CTNNA2: variants seen among roughly 807,000 people sequenced by gnomAD.
CTNNA2 encodes catenin alpha 2.
In CTNNA2, 42 loss-of-function variants were observed where a neutral mutation model predicts 101.0. The observed-to-expected ratio is 0.42, with a 90% confidence interval of 0.32 to 0.54. The LOEUF (loss-of-function observed/expected upper bound fraction) is 0.54. Among genes scored for constraint, CTNNA2 ranks in the 20% least tolerant of loss-of-function variants. CTNNA2 has a pLI of 0.14. For missense variants in CTNNA2, 871 were observed against 1,223.1 expected, an observed-to-expected ratio of 0.71 and a Z score of 4.29; for synonymous variants, 450 against 456.4, an observed-to-expected ratio of 0.99 and a Z score of 0.18.
intron 7 of CTNNA2, among the ~76,000 whole-genome samples, chr2:80,211,248 T>C (rs1707871065): frequency 6.6e-6 from 1 of 152,214 alleles, no homozygotes; most frequent in African/African-American, 2.4e-5. Context: ...ACTTTGGCTT[T>C]TGTTGCCATT....
In CTNNA2 at chr2:79,487,537, T is replaced by C. The variant is rs188624429; in HGVS notation, c.-134-17517T>C. 1.2e-4 allele frequency among the ~76,000 whole-genome samples: 18 copies of C among 152,272 alleles called. No individual in the cohort carries two copies. The East Asian group carries it at 3.1e-3, about 26-fold the overall frequency. ...GGAGAGCTCCATCTGAGAACCCAGA[T>C]AGCACGCTGGGAGTTGCCTACATAA... is the stretch of plus-strand genomic sequence containing the variant. On this transcript the variant is annotated intron_variant, in intron 4 of 21. Transcript: ENST00000466387.
intron 12 of CTNNA2, among the ~76,000 whole-genome samples, chr2:80,568,042 G>A (rs1468809507): frequency 6.6e-6 from 1 of 152,136 alleles, no homozygotes; most frequent in Non-Finnish European, 1.5e-5. Context: ...CCCTGTGCAT[G>A]CAGATGTGCT....
intron 1 of CTNNA2, among the ~76,000 whole-genome samples, chr2:79,621,102 A>G (rs1417557858): frequency 4.6e-5 from 7 of 152,292 alleles, no homozygotes; most frequent in Middle Eastern, 3.4e-3. Context: ...AAAAGTGGCT[A>G]CTGTGGTGTC....
chr2:79,433,237 G>A (rs1375860575), intron 4 of CTNNA2, among the ~76,000 whole-genome samples: 1 of 152,104 alleles, frequency 6.6e-6, no homozygotes, highest in African/African-American at 2.4e-5. Flanking sequence ...GTTGGAAAAA[G>A]GAATGTGTCC....
At chr2:79,748,963 A>G (rs972690684) in intron 3 of CTNNA2, among the ~76,000 whole-genome samples, 5 of 152,294 alleles carry the variant, frequency 3.3e-5, no homozygotes, top group African/African-American at 4.8e-5. Context: ...CAAATGAGAC[A>G]TGGAGTTTTA....
At chr2:80,393,352 C>T (rs1677701259) in intron 8 of CTNNA2, 61 bp downstream of exon 8, 1 of 1,211,122 alleles carries the variant, frequency 8.3e-7, no homozygotes, top group South Asian at 1.4e-5. Flanking sequence ...CAACAATATC[C>T]TTTTCCAGGG....
At chr2:80,421,164 A>T (rs1251414384) in intron 9 of CTNNA2, among the ~76,000 whole-genome samples, 2 of 152,192 alleles carry the variant, frequency 1.3e-5, no homozygotes, top group East Asian at 1.9e-4. Flanking sequence ...GAGGAAAAAA[A>T]AATAATGCTG....
intron 3 of CTNNA2, among the ~76,000 whole-genome samples, chr2:79,767,345 C>T (rs998838415): frequency 6.6e-6 from 1 of 151,916 alleles, no homozygotes; most frequent in Non-Finnish European, 1.5e-5. Context: ...AGGATTGGTC[C>T]CTGGTGCCTT....
At chr2:80,321,928 TTTTA>T (rs145750433) in intron 7 of CTNNA2, among the ~76,000 whole-genome samples, 2,168 of 151,594 alleles carry the variant, frequency 0.014, 48 homozygotes, top group African/African-American at 0.048. Context: ...ATTCTCTGTA[TTTTA>T]TTTATTTATT....
chr2:80,639,253 A>C (rs571258577), intron 18 of CTNNA2, among the ~76,000 whole-genome samples: 1 of 152,258 alleles, frequency 6.6e-6, no homozygotes, highest in East Asian at 1.9e-4. Flanking sequence ...TCTGTCACCC[A>C]GGGTGGAGTG....
At chr2:79,839,149 A>G (rs1679612741) in intron 3 of CTNNA2, among the ~76,000 whole-genome samples, 1 of 152,044 alleles carries the variant, frequency 6.6e-6, no homozygotes, top group Non-Finnish European at 1.5e-5. Flanking sequence ...TTTCTCTGGA[A>G]CTGTCTATTT....
chr2:80,590,185 A>G (rs914225721), intron 15 of CTNNA2, among the ~76,000 whole-genome samples: 3 of 152,158 alleles, frequency 2.0e-5, no homozygotes, highest in African/African-American at 7.2e-5. Flanking sequence ...CTCTTCTTTA[A>G]AAGAAGATGA....
intron 1 of CTNNA2, among the ~76,000 whole-genome samples, chr2:79,556,441 T>G (rs1674450502): frequency 6.6e-6 from 1 of 152,054 alleles, no homozygotes. Context: ...ACCATGTATA[T>G]GAAAAGAGGA....
At chr2:79,318,244 G>T (rs969495282) in intron 3 of CTNNA2, among the ~76,000 whole-genome samples, 1 of 152,028 alleles carries the variant, frequency 6.6e-6, no homozygotes, top group African/African-American at 2.4e-5. Context: ...CCAGATATTG[G>T]ACTTAAGAAT....
At chr2:80,646,069 C>T (rs1043817580) in intron 18 of CTNNA2, among the ~76,000 whole-genome samples, 1 of 152,090 alleles carries the variant, frequency 6.6e-6, no homozygotes, top group African/African-American at 2.4e-5. Flanking sequence ...TTAGATACAA[C>T]TTCTGATAAC....
intron 2 of CTNNA2, among the ~76,000 whole-genome samples, chr2:79,291,721 C>T (rs1675821620): frequency 6.6e-6 from 1 of 152,220 alleles, no homozygotes; most frequent in Non-Finnish European, 1.5e-5. Flanking sequence ...TTATCAAGTG[C>T]TTTGGCTACA....
At chr2:80,544,909 G>C (rs901280507) in intron 9 of CTNNA2, 73 bp from the exon 10 acceptor site, 14 of 1,263,464 alleles carry the variant, frequency 1.1e-5, no homozygotes, top group Admixed American at 6.6e-5. Flanking sequence ...TGCCAGAGAA[G>C]GTCCAAGGCG....
chr2:79,319,846 A>AG (rs1484086551), intron 3 of CTNNA2: 1 of 152,186 alleles, frequency 6.6e-6, no homozygotes, highest in African/African-American at 2.4e-5. Context: ...AGCAAGAAGC[A>AG]GGAAGATAAG....
At chr2:80,158,729 G>A (rs1229861269) in intron 7 of CTNNA2, among the ~76,000 whole-genome samples, 1 of 152,134 alleles carries the variant, frequency 6.6e-6, no homozygotes, top group Non-Finnish European at 1.5e-5. Flanking sequence ...CTAACATGGT[G>A]AAACCTCCTG....
Sources: allele counts gnomAD v4.1 joint callset (sites outside exome capture counted in the v4.1 genomes callset), GRCh38; gene constraint gnomAD v4.1.1; transcripts MANE v1.5; gene names NCBI Gene and HGNC (gene_info 2026-07-23, HGNC 2026-07-21).